SYTL5: variants seen among roughly 807,000 people sequenced by gnomAD.
SYTL5 encodes the protein synaptotagmin-like protein 5.
Under a neutral mutation model 55.9 loss-of-function variants are expected in SYTL5, and 34 were observed. The observed-to-expected ratio is 0.61, with a 90% CI of 0.46 to 0.81. SYTL5 has a LOEUF of 0.81. SYTL5 is among the 30% of genes least tolerant of loss of function. The probability of loss-of-function intolerance (pLI) is 0.00; values close to 1 mark genes in which losing one functional copy is unlikely to be tolerated. For missense variants in SYTL5, 637 were observed against 546.7 expected, an observed-to-expected ratio of 1.17 and a Z score of -1.65; for synonymous variants, 221 against 188.7, an observed-to-expected ratio of 1.17 and a Z score of -1.40.
chrX:37,949,688 A>G, the SYTL5 span, among the ~76,000 whole-genome samples: 2 of 112,172 alleles, frequency 1.8e-5, no homozygotes, highest in African/African-American at 6.5e-5. Context: ...CAAGGAAGAC[A>G]AAAAAGGAAA....
At chrX:38,095,611 A>G (rs1936913733) in intron 8 of SYTL5, among the ~76,000 whole-genome samples, 1 of 112,076 alleles carries the variant, frequency 8.9e-6, no homozygotes, top group African/African-American at 3.2e-5. Flanking sequence ...ATTAAGAAAT[A>G]GAACTTCCTC....
the SYTL5 span, among the ~76,000 whole-genome samples, chrX:37,967,923 G>C: frequency 1.9e-4 from 20 of 107,153 alleles, no homozygotes; most frequent in African/African-American, 6.8e-4. Flanking sequence ...TCTTCTGCTT[G>C]ATCTAGTCTG....
intron 2 of SYTL5, among the ~76,000 whole-genome samples, chrX:38,047,334 C>T (rs1311953505): frequency 8.8e-6 from 1 of 113,024 alleles, no homozygotes; most frequent in Non-Finnish European, 1.9e-5. Flanking sequence ...GCAAAGGTTC[C>T]CAAACCCCAA....
chrX:37,890,487 A>C, the SYTL5 span, among the ~76,000 whole-genome samples: 2 of 111,737 alleles, frequency 1.8e-5, no homozygotes, highest in African/African-American at 6.5e-5. Flanking sequence ...TCTCCCTGTA[A>C]CTGGTTACAG....
chrX:38,122,533 A>G (rs956229205), intron 15 of SYTL5, among the ~76,000 whole-genome samples: 4 of 112,471 alleles, frequency 3.6e-5, no homozygotes, highest in Non-Finnish European at 7.5e-5. Context: ...ATGTATTTAT[A>G]TTGTTCTTTA....
At chrX:38,095,857 G>C in intron 8 of SYTL5, among the ~76,000 whole-genome samples, 1 of 110,738 alleles carries the variant, frequency 9.0e-6, no homozygotes, top group Non-Finnish European at 1.9e-5. Context: ...TTAAAACATA[G>C]CATTTTACAG....
chrX:37,939,905 G>A, the SYTL5 span, among the ~76,000 whole-genome samples: 5 of 111,193 alleles, frequency 4.5e-5, no homozygotes, highest in African/African-American at 9.8e-5. Flanking sequence ...ATCTTGGCTC[G>A]CTGCAAACTC....
chrX:37,903,624 A>G, the SYTL5 span, among the ~76,000 whole-genome samples: 3 of 109,311 alleles, frequency 2.7e-5, no homozygotes, highest in African/African-American at 1.0e-4. Flanking sequence ...TGGGTGCAGC[A>G]CACCAACATG....
chrX:38,038,109 A>T (rs977359327), intron 2 of SYTL5, among the ~76,000 whole-genome samples: 2 of 111,910 alleles, frequency 1.8e-5, no homozygotes, highest in Non-Finnish European at 3.8e-5. Flanking sequence ...TGGGGAGGGC[A>T]ACCTACTTTA....
chrX:38,121,532 T>C (rs773374251), intron 14 of SYTL5, among the ~76,000 whole-genome samples: 1 of 112,490 alleles, frequency 8.9e-6, no homozygotes, highest in Admixed American at 9.4e-5. Context: ...CTGGTTTATA[T>C]CATTCATGTT....
At chrX:37,956,769 C>T in the SYTL5 span, among the ~76,000 whole-genome samples, 1 of 111,703 alleles carries the variant, frequency 9.0e-6, no homozygotes, top group South Asian at 3.7e-4. Flanking sequence ...GATATGCCTT[C>T]GGGATCCATA....
intron 13 of SYTL5, among the ~76,000 whole-genome samples, chrX:38,116,602 T>C (rs1937493907): frequency 8.9e-6 from 1 of 112,866 alleles, no homozygotes; most frequent in African/African-American, 3.2e-5. Flanking sequence ...TATGATTTTT[T>C]CTAACCTTTG....
intron 1 of SYTL5, among the ~76,000 whole-genome samples, chrX:38,013,908 A>T (rs1033957801): frequency 9.3e-6 from 1 of 107,086 alleles, no homozygotes; most frequent in African/African-American, 3.4e-5. Context: ...ACCACCACCA[A>T]CTCCTCCTCT....
the SYTL5 span, among the ~76,000 whole-genome samples, chrX:37,900,117 G>GAC: frequency 0.016 from 1,696 of 105,239 alleles, 30 homozygotes; most frequent in African/African-American, 0.049. Context: ...CACACACAAA[G>GAC]ACACACACAC....
At chrX:37,991,432 T>G in the SYTL5 span, 4 of 494,826 alleles carry the variant, frequency 8.1e-6, no homozygotes, top group Non-Finnish European at 1.3e-5. Flanking sequence ...GTGTGGTGTT[T>G]GAATCAGTGA....
intron 6 of SYTL5, among the ~76,000 whole-genome samples, chrX:38,084,721 C>G (rs1936627849): frequency 9.1e-6 from 1 of 110,303 alleles, no homozygotes; most frequent in Non-Finnish European, 1.9e-5. Context: ...AGATCAAAAA[C>G]CTTTTCTGTA....
At chrX:38,012,454 C>T (rs1934219250) in intron 1 of SYTL5, among the ~76,000 whole-genome samples, 1 of 111,404 alleles carries the variant, frequency 9.0e-6, no homozygotes, top group Non-Finnish European at 1.9e-5. Context: ...TGGGGTGGGA[C>T]GTGGGGGTGT....
chrX:37,967,414 A>G, the SYTL5 span, among the ~76,000 whole-genome samples: 5 of 111,516 alleles, frequency 4.5e-5, no homozygotes, highest in African/African-American at 1.6e-4. Context: ...TTGCTGATAA[A>G]TCCTCTGATA....
chrX:38,045,204 G>A (rs1351869588), intron 2 of SYTL5, among the ~76,000 whole-genome samples: 3 of 112,005 alleles, frequency 2.7e-5, no homozygotes, highest in African/African-American at 6.5e-5. Context: ...ACTTTACAGA[G>A]ACAGATAATG....
Sources: allele counts gnomAD v4.1 joint callset (sites outside exome capture counted in the v4.1 genomes callset), GRCh38; gene constraint gnomAD v4.1.1; transcripts MANE v1.5; gene names NCBI Gene and HGNC (gene_info 2026-07-23, HGNC 2026-07-21).